ARHGAP10: variants seen among roughly 807,000 people sequenced by gnomAD.
The protein encoded by ARHGAP10 is rho GTPase-activating protein 10.
A neutral mutation model predicts 108.6 loss-of-function variants in ARHGAP10; 87 were observed. That is an observed-to-expected ratio of 0.80 (90% CI 0.67 to 0.96). The LOEUF is 0.96. Among genes scored for constraint, ARHGAP10 ranks in the 40% least tolerant of loss-of-function variants. ARHGAP10 has a pLI of 0.00. For missense variants in ARHGAP10, 939 were observed against 954.5 expected (o/e 0.98, Z 0.21); for synonymous variants, 347 against 341.1 (o/e 1.02, Z -0.19).
At chr4:147,876,331 A>C (rs1560804536) in intron 8 of ARHGAP10, among the ~76,000 whole-genome samples, 1 of 152,170 alleles carries the variant, frequency 6.6e-6, no homozygotes, top group Non-Finnish European at 1.5e-5. Flanking sequence ...GGTGGCTCAC[A>C]CTTGTAATCC....
chr4:147,997,572 G>A (rs935829451), intron 18 of ARHGAP10, among the ~76,000 whole-genome samples: 3 of 152,186 alleles, frequency 2.0e-5, no homozygotes, highest in Admixed American at 1.3e-4. Context: ...AGCATTGGAT[G>A]TGGAGGACAA....
chr4:148,059,375 C>T (rs1729501217), intron 20 of ARHGAP10, among the ~76,000 whole-genome samples: 1 of 152,060 alleles, frequency 6.6e-6, no homozygotes, highest in South Asian at 2.1e-4. Flanking sequence ...TGGTCAGTAG[C>T]TTGGCATTAA....
chr4:148,036,147 G>T (rs1002901560), intron 19 of ARHGAP10, among the ~76,000 whole-genome samples: 1 of 150,184 alleles, frequency 6.7e-6, no homozygotes, highest in Non-Finnish European at 1.5e-5. Flanking sequence ...AAGATAATAT[G>T]ATATAATTCC....
chr4:147,911,997 G>T (rs201598931), intron 12 of ARHGAP10, among the ~76,000 whole-genome samples: 1 of 13,158 alleles, frequency 7.6e-5, no homozygotes, highest in African/African-American at 9.1e-5. Flanking sequence ...ACATTCACGT[G>T]TGTGTGTGTG....
intron 1 of ARHGAP10, among the ~76,000 whole-genome samples, chr4:147,759,880 C>T (rs1016408379): frequency 4.6e-5 from 7 of 152,084 alleles, no homozygotes; most frequent in South Asian, 2.1e-4. Flanking sequence ...TCCTGAGTAG[C>T]GGGGATTACA....
intron 10 of ARHGAP10, 34 bp from the exon 11 acceptor site, chr4:147,906,604 A>G (rs778543915): frequency 4.4e-6 from 7 of 1,608,718 alleles, no homozygotes; most frequent in South Asian, 2.2e-5. Context: ...TTAGTGGCCA[A>G]GGGGTAACCT....
intron 13 of ARHGAP10, among the ~76,000 whole-genome samples, chr4:147,918,133 A>ATTT (rs760617123): frequency 1.0e-4 from 13 of 129,974 alleles, no homozygotes; most frequent in South Asian, 2.4e-4. Context: ...TCTCATTAAG[A>ATTT]TTTTTTTTTT....
intron 10 of ARHGAP10, among the ~76,000 whole-genome samples, chr4:147,904,538 C>T (rs570607503): frequency 6.6e-6 from 1 of 152,234 alleles, no homozygotes; most frequent in South Asian, 2.1e-4. Flanking sequence ...CAATTTCATC[C>T]ATGTCCCTAC....
intron 7 of ARHGAP10, among the ~76,000 whole-genome samples, chr4:147,868,191 A>G (rs369543432): frequency 6.8e-4 from 104 of 151,938 alleles, no homozygotes; most frequent in African/African-American, 2.4e-3. Flanking sequence ...TCACCCCAAA[A>G]TTGTCCCTGC....
intron 3 of ARHGAP10, among the ~76,000 whole-genome samples, chr4:147,827,452 G>A (rs576147434): frequency 3.3e-5 from 5 of 152,208 alleles, no homozygotes; most frequent in Non-Finnish European, 7.3e-5. Flanking sequence ...CTCACATGGA[G>A]TGGGCAGCCC....
At chr4:148,035,842 C>A (rs1728354110) in intron 19 of ARHGAP10, among the ~76,000 whole-genome samples, 1 of 152,092 alleles carries the variant, frequency 6.6e-6, no homozygotes, top group African/African-American at 2.4e-5. Flanking sequence ...GGAAGATTTT[C>A]TGATCAAAGA....
intron 14 of ARHGAP10, 62 bp from the exon 15 acceptor site, chr4:147,946,555 G>C (rs1738388407): frequency 6.9e-7 from 1 of 1,440,374 alleles, no homozygotes; most frequent in Non-Finnish European, 9.6e-7. Flanking sequence ...TTGTGAGCTA[G>C]ACAAGAGGAC....
At chr4:147,973,476 C>T (rs1235673930) in intron 18 of ARHGAP10, among the ~76,000 whole-genome samples, 5 of 152,118 alleles carry the variant, frequency 3.3e-5, no homozygotes, top group Non-Finnish European at 1.5e-5. Context: ...GGGTAATAAT[C>T]ACAGCAGGGG....
At chr4:148,047,741 C>G (rs1728950472) in intron 20 of ARHGAP10, among the ~76,000 whole-genome samples, 1 of 152,072 alleles carries the variant, frequency 6.6e-6, no homozygotes. Context: ...AGAGAAAACT[C>G]CAATAATAAT....
At chr4:147,962,061 A>G (rs567314852) in intron 16 of ARHGAP10, among the ~76,000 whole-genome samples, 30 of 152,306 alleles carry the variant, frequency 2.0e-4, no homozygotes, top group African/African-American at 7.2e-4. Context: ...CTTGATCTCT[A>G]AAGCCTCCTA....
At chr4:147,827,199 G>A (rs1732743110) in intron 3 of ARHGAP10, among the ~76,000 whole-genome samples, 1 of 150,482 alleles carries the variant, frequency 6.6e-6, no homozygotes, top group Non-Finnish European at 1.5e-5. Context: ...TTTTAAAGTG[G>A]AATCACTGTG....
chr4:147,851,811 A>C (rs960579580), intron 4 of ARHGAP10, among the ~76,000 whole-genome samples: 1 of 152,212 alleles, frequency 6.6e-6, no homozygotes, highest in Non-Finnish European at 1.5e-5. Flanking sequence ...TATATTGTGG[A>C]AAGTGCTGTA....
Position 147,909,709 on chromosome 4 carries a change from G to T in ARHGAP10, c.1117-23G>T, listed in dbSNP as rs377190962. 3.4e-5 allele frequency: 55 copies of T among 1,600,728 alleles called. No homozygotes were observed. The African/African-American group carries it at 6.8e-4, about 20-fold the overall frequency. ...TTTGCTGATTTGATTAAAAAATTCT[G>T]TTTTTCCATTCTCTTTTATTAGCTG... On this transcript the variant is annotated intron_variant, in intron 11 of 22. Transcript: ENST00000336498.
intron 1 of ARHGAP10, among the ~76,000 whole-genome samples, chr4:147,800,009 A>C (rs1016686850): frequency 6.6e-6 from 1 of 152,120 alleles, no homozygotes; most frequent in Non-Finnish European, 1.5e-5. Flanking sequence ...GTCCTGCCCT[A>C]CATTTGTGGG....
Sources: allele counts gnomAD v4.1 joint callset (sites outside exome capture counted in the v4.1 genomes callset), GRCh38; gene constraint gnomAD v4.1.1; transcripts MANE v1.5; gene names NCBI Gene and HGNC (gene_info 2026-07-23, HGNC 2026-07-21).